MUSK: variants seen among roughly 807,000 people sequenced by gnomAD.
MUSK encodes muscle associated receptor tyrosine kinase.
MUSK carries 55 observed loss-of-function variants against 88.7 expected under a neutral mutation model. The ratio of observed to expected loss-of-function variants is 0.62; its 90% CI spans 0.50 to 0.78. The LOEUF (loss-of-function observed/expected upper bound fraction) is 0.78. Ranked by LOEUF, MUSK falls within the 30% of genes least tolerant of loss-of-function variation. The probability of loss-of-function intolerance (pLI) is 0.00; values close to 1 mark genes in which losing one functional copy is unlikely to be tolerated. For missense variants in MUSK, 1,015 were observed against 1,074.3 expected (o/e 0.94, Z 0.77); for synonymous variants, 387 against 391.9 (o/e 0.99, Z 0.15).
chr9:110,762,086 T>TA (rs558938950), intron 7 of MUSK, 116 bp from the exon 8 acceptor site: 3 of 1,055,666 alleles, frequency 2.8e-6, no homozygotes, highest in Non-Finnish European at 3.7e-6. Context: ...TTCAGAAACT[T>TA]AGAGATCAGT....
intron 1 of MUSK, among the ~76,000 whole-genome samples, chr9:110,675,437 G>T (rs2076013701): frequency 8.3e-6 from 1 of 119,790 alleles, no homozygotes; most frequent in South Asian, 2.5e-4. Context: ...TAGCCAGGAT[G>T]GTCTCGATCT....
intron 3 of MUSK, among the ~76,000 whole-genome samples, chr9:110,687,748 C>A (rs1203722318): frequency 6.6e-6 from 1 of 152,062 alleles, no homozygotes; most frequent in Admixed American, 6.6e-5. Flanking sequence ...AATCCCACAC[C>A]TCTTATGCCT....
intron 13 of MUSK, 86 bp from the exon 14 acceptor site, chr9:110,787,604 G>T: frequency 7.4e-7 from 1 of 1,360,182 alleles, no homozygotes; most frequent in Non-Finnish European, 1.0e-6. Context: ...CACAGGGGAG[G>T]TGGGAGGATA....
At chr9:110,706,181 T>C (rs1410453437) in intron 5 of MUSK, 4 of 474,492 alleles carry the variant, frequency 8.4e-6, no homozygotes, top group Admixed American at 7.3e-5. Flanking sequence ...AAAACAAAAA[T>C]AAATCAACCA....
chr9:110,767,100 G>A (rs911220376), intron 8 of MUSK, among the ~76,000 whole-genome samples: 1 of 152,146 alleles, frequency 6.6e-6, no homozygotes, highest in African/African-American at 2.4e-5. Flanking sequence ...ACAATAATCC[G>A]AGTTCAGAGT....
In MUSK at chr9:110,784,757, C is replaced by T. The variant is rs1026892416; in HGVS notation, c.1385-58C>T. The T allele has an allele frequency of 2.4e-5, 33 of 1,373,078 alleles. No individual in the cohort carries two copies. In the African/African-American group the frequency reaches 4.6e-4, roughly 19 times the overall value. 85.1% of individuals were successfully genotyped at this position (1,373,078 alleles called of 1,614,324 possible). A position where few individuals can be genotyped will look rare whatever the true frequency, so the allele number is the denominator to read the frequency against. ...ATTTATTTTACTGATTGCTTAAATACAAAAAATTGCTTCTTAAAGGTTTGA... is the reference window on the plus strand; with the variant it reads ...ATTTATTTTACTGATTGCTTAAATATAAAAAATTGCTTCTTAAAGGTTTGA... On this transcript the variant is annotated intron_variant, in intron 11 of 14. Transcript: ENST00000374448.
At chr9:110,742,734 T>C (rs59475139) in intron 6 of MUSK, among the ~76,000 whole-genome samples, 4,018 of 152,258 alleles carry the variant, frequency 0.026, 182 homozygotes, top group African/African-American at 0.092. Flanking sequence ...AAAATAGATT[T>C]ATCACCTCAG....
chr9:110,695,446 G>C lies in MUSK; in HGVS notation c.402G>C (p.Glu134Asp). 6.5e-7 allele frequency: 1 copy of C among 1,538,702 alleles called. No individual in the cohort carries two copies. The highest frequency in any genetic ancestry group is 8.8e-7 in the Non-Finnish European group (1 of 1,132,226). ...TRPPINVKII[E>D]GLKAVLPCTT... ...CTCCCATAAATGTGAAAATAATAGA[G>C]GGATTAAAAGCAGTCCTACCATGTA... Residue 134 changes from glutamate to aspartate, a missense_variant, in exon 4 of 15, where the codon GAG becomes GAC. By Grantham distance (45) the Glu-to-Asp change is conservative. Transcript: ENST00000374448.
chr9:110,762,010 T>C, intron 7 of MUSK, 192 bp from the exon 8 acceptor site: 1 of 900,650 alleles, frequency 1.1e-6, no homozygotes, highest in Non-Finnish European at 1.3e-6. Context: ...ACTCAATATT[T>C]TCTTCATTTC....
chr9:110,783,650 A>G (rs2077802580), intron 11 of MUSK, among the ~76,000 whole-genome samples: 1 of 151,856 alleles, frequency 6.6e-6, no homozygotes, highest in African/African-American at 2.4e-5. Context: ...TAATTCTATC[A>G]TTTGTGTTAC....
chr9:110,698,917 T>C (rs1437913557), intron 5 of MUSK, among the ~76,000 whole-genome samples: 1 of 152,040 alleles, frequency 6.6e-6, no homozygotes. Flanking sequence ...CAGTGTTTTC[T>C]TGTTCTGTCT....
intron 5 of MUSK, among the ~76,000 whole-genome samples, chr9:110,715,931 T>C (rs2076737220): frequency 1.3e-5 from 2 of 148,944 alleles, no homozygotes. Context: ...TGAGAACACA[T>C]GGACACATGG....
intron 13 of MUSK, among the ~76,000 whole-genome samples, chr9:110,786,043 G>C (rs1020632130): frequency 1.3e-5 from 2 of 150,562 alleles, no homozygotes; most frequent in Admixed American, 1.3e-4. Flanking sequence ...CAGGTGCGGT[G>C]GCTCGTGCCT....
chr9:110,683,850 G>A (rs2076162923), intron 2 of MUSK, among the ~76,000 whole-genome samples: 1 of 152,014 alleles, frequency 6.6e-6, no homozygotes, highest in South Asian at 2.1e-4. Context: ...CTATAGAGTT[G>A]TTTGAGCTCC....
chr9:110,702,377 C>T (rs1197385260), intron 5 of MUSK, among the ~76,000 whole-genome samples: 1 of 152,052 alleles, frequency 6.6e-6, no homozygotes, highest in East Asian at 1.9e-4. Context: ...TGGAGGTTAG[C>T]ATTCAAAACC....
chr9:110,762,144 G>A (rs188922411), intron 7 of MUSK, 58 bp from the exon 8 acceptor site: 4 of 1,307,560 alleles, frequency 3.1e-6, no homozygotes, highest in East Asian at 2.6e-5. Context: ...ATGTACTAAC[G>A]TTCTTTCTTT....
intron 1 of MUSK, among the ~76,000 whole-genome samples, chr9:110,674,699 C>G (rs2076002575): frequency 1.3e-5 from 2 of 152,106 alleles, no homozygotes; most frequent in Non-Finnish European, 2.9e-5. Context: ...ACTTTGAACT[C>G]CTAGGCTCAG....
intron 5 of MUSK, among the ~76,000 whole-genome samples, chr9:110,712,307 A>G (rs1359867899): frequency 2.6e-5 from 4 of 152,116 alleles, no homozygotes; most frequent in African/African-American, 4.8e-5. Context: ...TTAGAATCCA[A>G]TTTGAAGCTT....
rs372433131 is a variant in MUSK, at chr9:110,775,938, G to T, written c.1335G>T (p.Thr445=). ...TTCCCAGCATGCATTGGGACCCCACGGCCTGTGCCAGACTGCCACATCTAG... is the reference window on the plus strand; with the variant it reads ...TTCCCAGCATGCATTGGGACCCCACTGCCTGTGCCAGACTGCCACATCTAG... ...SKLPSMHWDP[T]ACARLPHLDY... Residue 445 remains threonine, a synonymous_variant, in exon 10 of 15, where the codon ACG becomes ACT. Coordinates refer to ENST00000374448, the MANE Select transcript of MUSK (RefSeq NM_005592.4). The T allele has an allele frequency of 6.2e-7, 1 of 1,613,496 alleles. No individual in the cohort carries two copies. Among genetic ancestry groups the T allele is most frequent in the Non-Finnish European group, 8.5e-7 (1 of 1,179,644 alleles).
Sources: allele counts gnomAD v4.1 joint callset (sites outside exome capture counted in the v4.1 genomes callset), GRCh38; gene constraint gnomAD v4.1.1; transcripts MANE v1.5; gene names NCBI Gene and HGNC (gene_info 2026-07-23, HGNC 2026-07-21).